The following PRTG variants were observed in gnomAD, a reference collection of about 807,000 sequenced individuals.
PRTG encodes immunoglobulin superfamily, DCC subclass, member 5.
Under a neutral mutation model 122.5 loss-of-function variants are expected in PRTG, and 67 were observed. The observed-to-expected ratio is 0.55, with a 90% CI of 0.45 to 0.67. PRTG has a LOEUF of 0.67. Ranked by LOEUF, PRTG falls within the 30% of genes least tolerant of loss-of-function variation. The pLI, the probability that PRTG is intolerant of heterozygous loss-of-function variation, is 0.00. For missense variants in PRTG, 1,435 were observed against 1,415.4 expected (o/e 1.01, Z -0.22); for synonymous variants, 554 against 501.1 (o/e 1.11, Z -1.41).
rs913357761 is a variant in PRTG at position 55,613,341 on chromosome 15, T to C, written c.*6671A>G. On this transcript the variant is annotated 3_prime_UTR_variant, in exon 20 of 20. Coordinates refer to ENST00000389286, the MANE Select transcript of PRTG (RefSeq NM_173814.6). Reference sequence around the variant, plus strand: ...ATTACTGTTTACACACCTGACTTTTTCAAGTCAATGAATTCCTGTTTGGAA... The same window carrying C: ...ATTACTGTTTACACACCTGACTTTTCCAAGTCAATGAATTCCTGTTTGGAA... 1.2e-4 allele frequency: 18 copies of C among 152,126 alleles called. No homozygotes were observed. Among genetic ancestry groups the C allele is most frequent in the African/African-American group, 4.3e-4 (18 of 41,438 alleles). The allele number at this position is 152,126 out of a possible 1,614,324, so 9.4% of individuals were successfully genotyped here.
intron 2 of PRTG, among the ~76,000 whole-genome samples, chr15:55,720,938 T>C (rs1437714306): frequency 2.6e-5 from 4 of 152,144 alleles, no homozygotes; most frequent in Non-Finnish European, 5.9e-5. Flanking sequence ...AACTGCTTTC[T>C]TGGATCACCT....
intron 11 of PRTG, among the ~76,000 whole-genome samples, chr15:55,665,512 T>G (rs1290997790): frequency 3.3e-5 from 5 of 151,842 alleles, no homozygotes; most frequent in South Asian, 2.1e-4. Context: ...TTTTTGTTTT[T>G]TTTTTTTTTA....
chr15:55,665,322 T>G (rs1443770559), intron 11 of PRTG, among the ~76,000 whole-genome samples: 1 of 151,946 alleles, frequency 6.6e-6, no homozygotes, highest in Non-Finnish European at 1.5e-5. Context: ...CCCTTACGTG[T>G]TAAAACAATA....
chr15:55,626,586 T>TA (rs570519003), intron 17 of PRTG, among the ~76,000 whole-genome samples: 1,548 of 131,402 alleles, frequency 0.012, 29 homozygotes, highest in African/African-American at 0.043. Context: ...CCATCTCTAC[T>TA]AAAAATACAA....
At chr15:55,630,389 C>T (rs112595988) in intron 15 of PRTG, among the ~76,000 whole-genome samples, 11,155 of 152,108 alleles carry the variant, frequency 0.073, 502 homozygotes, top group Non-Finnish European at 0.11. Flanking sequence ...TCCCAAAGTA[C>T]GAGGATTACA....
chr15:55,653,215 TC>T (rs1429098961), intron 11 of PRTG, among the ~76,000 whole-genome samples: 2 of 152,150 alleles, frequency 1.3e-5, no homozygotes, highest in Non-Finnish European at 2.9e-5. Flanking sequence ...TCTCAAACTT[TC>T]CCTGTGTATT....
chr15:55,679,102 G>T lies in PRTG; in HGVS notation c.1133+184C>A, dbSNP rs377307246. On this transcript the variant is annotated intron_variant, in intron 7 of 19. Transcript: ENST00000389286. ...CATGACCCATGTATAAAATACCAAT[G>T]AGTATTTAGCATAGCACATGTATGA... is the stretch of plus-strand genomic sequence containing the variant. Among the ~76,000 whole-genome samples the T allele has an allele frequency of 7.2e-5, 11 of 152,094 alleles. 1 individual carries two copies. In the East Asian group the frequency reaches 1.7e-3, roughly 24 times the overall value.
intron 1 of PRTG, 87 bp from the exon 2 acceptor site, chr15:55,740,771 G>A: frequency 8.7e-7 from 1 of 1,151,208 alleles, no homozygotes. Context: ...CACATATTCA[G>A]GGTATGAGAT....
At chr15:55,699,190 T>C (rs552946123) in intron 2 of PRTG, among the ~76,000 whole-genome samples, 3 of 152,202 alleles carry the variant, frequency 2.0e-5, no homozygotes, top group Non-Finnish European at 2.9e-5. Flanking sequence ...CTCAATGATA[T>C]GTTCAAATTA....
rs149283035 is a variant in PRTG at position 55,639,630 on chromosome 15, G to A, written c.2324+12C>T. Reference sequence around the variant, plus strand: ...TAAGCAAAGAAAATAACCATTAACAGGAGCTACATACGTTTGAAGGTACAG... The same window carrying A: ...TAAGCAAAGAAAATAACCATTAACAAGAGCTACATACGTTTGAAGGTACAG... On this transcript the variant is annotated intron_variant, in intron 13 of 19. Transcript: ENST00000389286. The A allele has an allele frequency of 9.6e-5, 155 of 1,609,122 alleles. No individual in the cohort carries two copies. In the African/African-American group the frequency reaches 1.7e-3, roughly 18 times the overall value.
At chr15:55,648,960 G>A (rs897392366) in intron 11 of PRTG, among the ~76,000 whole-genome samples, 1 of 151,904 alleles carries the variant, frequency 6.6e-6, no homozygotes, top group African/African-American at 2.4e-5. Flanking sequence ...AGCCGGGCGT[G>A]GTGATACGTG....
intron 11 of PRTG, 100 bp downstream of exon 11, chr15:55,672,345 G>T: frequency 2.2e-6 from 2 of 905,418 alleles, no homozygotes; most frequent in Non-Finnish European, 3.5e-6. Context: ...TCTTTTCTTT[G>T]TACCATTAAG....
chr15:55,633,144 G>C (rs1048017936), intron 15 of PRTG, among the ~76,000 whole-genome samples: 1 of 152,186 alleles, frequency 6.6e-6, no homozygotes, highest in Admixed American at 6.5e-5. Context: ...ATGAATTGCT[G>C]AGACAGAACA....
chr15:55,708,166 A>C (rs2030218660), intron 2 of PRTG, among the ~76,000 whole-genome samples: 1 of 98,230 alleles, frequency 1.0e-5, no homozygotes, highest in African/African-American at 3.4e-5. Context: ...AAAAAAAAAA[A>C]AAAAAAAAAA....
chr15:55,686,435 C>T (rs573234554), intron 2 of PRTG, among the ~76,000 whole-genome samples: 2 of 152,212 alleles, frequency 1.3e-5, no homozygotes, highest in Admixed American at 6.5e-5. Flanking sequence ...GAAGCTCCCC[C>T]AGCCTGTCCA....
intron 9 of PRTG, among the ~76,000 whole-genome samples, chr15:55,674,611 C>T (rs1318045947): frequency 1.3e-5 from 2 of 152,050 alleles, no homozygotes; most frequent in African/African-American, 2.4e-5. Flanking sequence ...ATAAGTGAAC[C>T]TTTTTTCATT....
chr15:55,646,008 ATTATTTT>A (rs1402161675), intron 11 of PRTG, among the ~76,000 whole-genome samples: 3 of 151,760 alleles, frequency 2.0e-5, no homozygotes, highest in Non-Finnish European at 4.4e-5. Context: ...TTTATTATTT[ATTATTTT>A]TTATTTTTTT....
chr15:55,681,428 C>A (rs536053917), intron 4 of PRTG: 1 of 152,066 alleles, frequency 6.6e-6, no homozygotes, highest in African/African-American at 2.4e-5. Context: ...ACAAACTTAA[C>A]CTTTGAAATA....
At chr15:55,685,561 T>A (rs1158036447) in intron 2 of PRTG, among the ~76,000 whole-genome samples, 1 of 152,140 alleles carries the variant, frequency 6.6e-6, no homozygotes, top group Non-Finnish European at 1.5e-5. Context: ...CAGACACATA[T>A]GAGAACCCAG....
Sources: allele counts gnomAD v4.1 joint callset (sites outside exome capture counted in the v4.1 genomes callset), GRCh38; gene constraint gnomAD v4.1.1; transcripts MANE v1.5; gene names NCBI Gene and HGNC (gene_info 2026-07-23, HGNC 2026-07-21).